Variants in ARHGEF2 observed in about 807,000 individuals in gnomAD.
ARHGEF2 encodes Rho/Rac guanine nucleotide exchange factor 2, also known as rho guanine nucleotide exchange factor 2.
ARHGEF2 carries 22 observed loss-of-function variants against 121.0 expected under a neutral mutation model. The ratio of observed to expected loss-of-function variants is 0.18; its 90% CI spans 0.13 to 0.26. ARHGEF2 has a LOEUF of 0.26. ARHGEF2 is among the 10% of genes least tolerant of loss of function. The pLI, the probability that ARHGEF2 is intolerant of heterozygous loss-of-function variation, is 1.00. For missense variants in ARHGEF2, 907 were observed against 1,336.0 expected (o/e 0.68, Z 5.01); for synonymous variants, 487 against 530.0 (o/e 0.92, Z 1.11).
intron 1 of ARHGEF2, chr1:155,970,915 C>T: frequency 1.0e-6 from 1 of 986,332 alleles, no homozygotes; most frequent in Non-Finnish European, 1.2e-6. Flanking sequence ...CCTCATGCAT[C>T]CTCCCCATCC....
chr1:155,955,936 G>A (rs754162944), intron 13 of ARHGEF2, among the ~76,000 whole-genome samples: 2 of 151,854 alleles, frequency 1.3e-5, no homozygotes, highest in Non-Finnish European at 2.9e-5. Context: ...GGCTGGTCTC[G>A]AACTCCAGTG....
Position 155,947,954 on chromosome 1 carries a change from G to A in ARHGEF2, c.2949C>T (p.Ala983=). ...ETESRDGEAV[A]SES ...GGGAGGGGCCCCCTTAGCTCTCGGAGGCTACAGCCTCCCCGTCGCGGCTCT... is the reference window on the plus strand; with the variant it reads ...GGGAGGGGCCCCCTTAGCTCTCGGAAGCTACAGCCTCCCCGTCGCGGCTCT... The change falls in exon 22 of 22, where the codon GCC becomes GCT. Residue 983 remains alanine, a synonymous_variant. Coordinates refer to ENST00000361247, the MANE Select transcript of ARHGEF2 (RefSeq NM_001162383.2). The A allele has an allele frequency of 1.3e-6, 2 of 1,550,808 alleles. No homozygotes were observed. The highest frequency in any genetic ancestry group is 3.9e-5 in the Admixed American group (2 of 50,980).
chr1:155,948,165 A>G, intron 21 of ARHGEF2, 150 bp from the exon 22 acceptor site: 1 of 565,834 alleles, frequency 1.8e-6, no homozygotes, highest in Non-Finnish European at 3.1e-6. Context: ...GTGAGAGGAA[A>G]ACCTTTGGCA....
intron 1 of ARHGEF2, chr1:155,970,801 A>G: frequency 1.0e-6 from 1 of 986,070 alleles, no homozygotes; most frequent in Non-Finnish European, 1.2e-6. Context: ...ATGGGGCTGC[A>G]GTGCCTGGGC....
chr1:155,969,365 G>C, intron 1 of ARHGEF2, 65 bp from the exon 2 acceptor site: 1 of 1,598,986 alleles, frequency 6.3e-7, no homozygotes. Flanking sequence ...GGAGTCCAGA[G>C]AGACAGGCTG....
At chr1:155,973,452 A>C (rs946907507) in intron 1 of ARHGEF2, among the ~76,000 whole-genome samples, 2 of 152,192 alleles carry the variant, frequency 1.3e-5, no homozygotes, top group African/African-American at 4.8e-5. Flanking sequence ...TTGGGAAAGA[A>C]AGACAGGGCC....
intron 11 of ARHGEF2, 86 bp from the exon 12 acceptor site, chr1:155,958,482 C>T: frequency 8.7e-7 from 1 of 1,143,074 alleles, no homozygotes. Flanking sequence ...AGGCTTATCC[C>T]ATCAGGTTAG....
rs760362064 is a variant in ARHGEF2, at chr1:155,969,284, T to C, written c.80A>G (p.Lys27Arg). ...GCGGGCATCCTTGGCTTCCTTCATC[T>C]TCTCCTTTTCCCGGGTCTGTGGAAG... is the stretch of plus-strand genomic sequence containing the variant. ...ELASKTREKE[K>R]MKEAKDARYT... is the part of the protein sequence containing the mutation. Residue 27 changes from lysine to arginine, a missense_variant, in exon 2 of 22, where the codon AAG becomes AGG. This residue lies in a region of ARHGEF2 where 475 missense variants were observed against 776.5 expected (regional missense o/e 0.61). Coordinates refer to ENST00000361247, the MANE Select transcript of ARHGEF2 (RefSeq NM_001162383.2). 43 of 1,614,002 alleles carry C rather than the reference T, an allele frequency of 2.7e-5. No homozygotes were observed. In the African/African-American group the frequency reaches 5.5e-4, roughly 21 times the overall value.
Position 155,965,523 on chromosome 1 carries a change from TTGTC to T in ARHGEF2, c.470+104_470+107del. 1.2e-6 allele frequency: 2 copies of T among 1,605,568 alleles called. No individual in the cohort carries two copies. Among genetic ancestry groups the T allele is most frequent in the Non-Finnish European group, 1.7e-6 (2 of 1,173,842 alleles). The stretch of plus-strand genomic sequence containing the variant: ...GGCGGTCCCCCTAAGTTCTCCTTAT[TTGTC>T]TGTCTACAGTTCTGAACTCAGGGAT... On this transcript the variant is annotated intron_variant, in intron 5 of 21. Transcript: ENST00000361247. The surrounding 1 kb of genome is among the most constrained non-coding windows in gnomAD (Gnocchi z 6.0).
At chr1:155,968,310 T>G (rs1679841413) in intron 2 of ARHGEF2, 1 of 152,048 alleles carries the variant, frequency 6.6e-6, no homozygotes, top group African/African-American at 2.4e-5. Flanking sequence ...CACTGGTCCT[T>G]TCTGGGGGTT....
At chr1:155,966,996 TCCCC>T (rs1438858873) in intron 2 of ARHGEF2, 109 bp from the exon 3 acceptor site, 5 of 999,692 alleles carry the variant, frequency 5.0e-6, no homozygotes, top group Non-Finnish European at 7.8e-6. Flanking sequence ...TCGGGGACTC[TCCCC>T]CCTTCCCCGA....
At chr1:155,948,405 G>A (rs1359274295) in intron 21 of ARHGEF2, among the ~76,000 whole-genome samples, 1 of 152,210 alleles carries the variant, frequency 6.6e-6, no homozygotes, top group Non-Finnish European at 1.5e-5. Context: ...TAAGGTGGGA[G>A]AATCACTTAA....
rs748323578 is a variant in ARHGEF2 at position 155,950,889 on chromosome 1, A to G, written c.2643T>C (p.Asp881=). The stretch of plus-strand genomic sequence containing the variant: ...CTGCGGGGAGGCTGCGCCGCCGAGG[A>G]TCCACAGGTCTGCGGGCCCAGGGGG... ...AEAPWARRPV[D]PRRRSLPAGD... is the part of the protein sequence containing the mutation. The change falls in exon 20 of 22, where the codon GAT becomes GAC. Residue 881 remains aspartate, a synonymous_variant. Transcript: ENST00000361247. This position sits in a 1 kb window ranked among gnomAD's most constrained non-coding sequence, Gnocchi z 5.2. The G allele has an allele frequency of 1.3e-6, 2 of 1,576,564 alleles. No individual in the cohort carries two copies. Among genetic ancestry groups the G allele is most frequent in the South Asian group, 1.2e-5 (1 of 86,302 alleles).
chr1:155,952,574 C>A, intron 15 of ARHGEF2, 54 bp downstream of exon 15: 1 of 1,547,606 alleles, frequency 6.5e-7, no homozygotes, highest in Non-Finnish European at 8.8e-7. Context: ...CACATGTCCA[C>A]ATTCTGTGAC....
chr1:155,965,616 C>T lies in ARHGEF2; in HGVS notation c.470+15G>A, dbSNP rs747017324. ...CACACTCTCTGGCTGCCCCTTTCCC[C>T]AAACAGAGGCTCACCCAGCAATGTT... is the stretch of plus-strand genomic sequence containing the variant. On this transcript the variant is annotated intron_variant, in intron 5 of 21. Transcript: ENST00000361247. The surrounding 1 kb of genome is among the most constrained non-coding windows in gnomAD (Gnocchi z 6.0). 6.2e-7 allele frequency: 1 copy of T among 1,612,506 alleles called. No homozygotes were observed. The highest frequency in any genetic ancestry group is 8.5e-7 in the Non-Finnish European group (1 of 1,179,882).
chr1:155,974,933 A>T (rs1005023722), intron 1 of ARHGEF2, among the ~76,000 whole-genome samples: 1 of 152,082 alleles, frequency 6.6e-6, no homozygotes, highest in African/African-American at 2.4e-5. Context: ...CTCCTGGCAC[A>T]AGGCAGGCCG....
Position 155,962,044 on chromosome 1 carries a change from A to G in ARHGEF2, c.1219+61T>C. ...CCCCACCCTTCCTGTGGTCATACCGAGCCTTTCCTCACCCCAGGTGGCCGT... is the reference window on the plus strand; with the variant it reads ...CCCCACCCTTCCTGTGGTCATACCGGGCCTTTCCTCACCCCAGGTGGCCGT... On this transcript the variant is annotated intron_variant, in intron 10 of 21. Coordinates refer to ENST00000361247, the MANE Select transcript of ARHGEF2 (RefSeq NM_001162383.2). This position sits in a 1 kb window ranked among gnomAD's most constrained non-coding sequence, Gnocchi z 5.8. 4 of 1,607,980 alleles carry G rather than the reference A, an allele frequency of 2.5e-6. No individual in the cohort carries two copies. The highest frequency in any genetic ancestry group is 3.4e-6 in the Non-Finnish European group (4 of 1,175,254).
intron 13 of ARHGEF2, among the ~76,000 whole-genome samples, chr1:155,956,845 A>G (rs1426466597): frequency 7.1e-6 from 1 of 141,832 alleles, no homozygotes; most frequent in Non-Finnish European, 1.5e-5. Context: ...AGTCCCAGCT[A>G]CTCAGGAGGC....
chr1:155,971,152 G>T, intron 1 of ARHGEF2: 1 of 973,936 alleles, frequency 1.0e-6, no homozygotes, highest in Non-Finnish European at 1.2e-6. Context: ...GCTGCCTCTA[G>T]CCTCTAACTC....
Sources: gnomAD v4.1 joint callset for allele counts (sites outside exome capture counted in the v4.1 genomes callset) on GRCh38, gnomAD v4.1.1 for gene constraint, gnomAD v4.1.1 regional missense constraint, Gnocchi (gnomAD v3.1) non-coding constraint, MANE v1.5 for transcripts, NCBI Gene and HGNC (gene_info 2026-07-23, HGNC 2026-07-21) for gene names.